UBE2U: variants seen among roughly 807,000 people sequenced by gnomAD.
UBE2U encodes ubiquitin-conjugating enzyme E2 U.
A neutral mutation model predicts 41.2 loss-of-function variants in UBE2U; 39 were observed. That is an observed-to-expected ratio of 0.95 (90% CI 0.73 to 1.24). The LOEUF (loss-of-function observed/expected upper bound fraction) is 1.24, where lower values mean the gene tolerates loss of function less well. Ranked by LOEUF, UBE2U falls within the 50% of genes most tolerant of loss-of-function variation. The pLI is 0.00. For synonymous variants in UBE2U, 107 were observed against 117.8 expected, an observed-to-expected ratio of 0.91 and a Z score of 0.60; for missense variants, 336 against 363.1, an observed-to-expected ratio of 0.93 and a Z score of 0.61.
chr1:64,218,167 G>T (rs1028446680), intron 5 of UBE2U, among the ~76,000 whole-genome samples: 5 of 152,128 alleles, frequency 3.3e-5, no homozygotes. Flanking sequence ...ACTTGTTCAA[G>T]AACATGAGCT....
intron 4 of UBE2U, 103 bp downstream of exon 4, chr1:64,210,942 G>T: frequency 1.4e-6 from 1 of 730,364 alleles, no homozygotes; most frequent in South Asian, 4.8e-5. Flanking sequence ...AGTGTTTAAA[G>T]AATTTGAGAA....
intron 7 of UBE2U, among the ~76,000 whole-genome samples, chr1:64,239,057 G>T (rs1644727296): frequency 1.6e-5 from 1 of 62,784 alleles, no homozygotes; most frequent in East Asian, 2.8e-4. Flanking sequence ...AGAAGAAGAA[G>T]AAGAAGAAGA....
intron 3 of UBE2U, among the ~76,000 whole-genome samples, chr1:64,209,789 T>A (rs371502032): frequency 1.3e-5 from 2 of 149,978 alleles, no homozygotes; most frequent in Admixed American, 6.8e-5. Context: ...ACATATAAAG[T>A]TCTTATTTTA....
chr1:64,214,853 T>C lies in UBE2U; in HGVS notation c.378T>C (p.Asn126=). ...LSNPVLENPV[N]LEAARILVKD... is the part of the protein sequence containing the mutation. ...ATCCAGTGCTAGAGAATCCAGTGAA[T>C]TTGGAAGCAGCCAGAATACTGGTTA... The change falls in exon 5 of 10, where the codon AAT becomes AAC. Residue 126 remains asparagine, a synonymous_variant. Coordinates refer to ENST00000371077, the MANE Select transcript of UBE2U (RefSeq NM_001366232.2). 6.2e-7 allele frequency: 1 copy of C among 1,614,188 alleles called. No homozygotes were observed. Among genetic ancestry groups the C allele is most frequent in the Non-Finnish European group, 8.5e-7 (1 of 1,180,002 alleles).
chr1:64,260,765 C>A, intron 9 of UBE2U, 71 bp downstream of exon 9: 2 of 1,230,268 alleles, frequency 1.6e-6, no homozygotes, highest in Non-Finnish European at 2.3e-6. Context: ...TAACTTTAAA[C>A]TTTTTTCCAT....
chr1:64,231,710 A>G (rs1200539122), intron 6 of UBE2U, among the ~76,000 whole-genome samples: 1 of 152,220 alleles, frequency 6.6e-6, no homozygotes, highest in African/African-American at 2.4e-5. Flanking sequence ...ACCTTTAAAA[A>G]CTAATGCTAA....
intron 8 of UBE2U, among the ~76,000 whole-genome samples, chr1:64,246,610 G>A (rs1429527109): frequency 1.3e-5 from 2 of 152,070 alleles, no homozygotes; most frequent in Non-Finnish European, 2.9e-5. Context: ...TAAACAAAGG[G>A]AGGAAAATCC....
intron 6 of UBE2U, among the ~76,000 whole-genome samples, chr1:64,225,612 G>A (rs1652813106): frequency 6.6e-6 from 1 of 152,238 alleles, no homozygotes; most frequent in East Asian, 1.9e-4. Context: ...GGTTATTTTG[G>A]TTGATCAGGG....
intron 8 of UBE2U, among the ~76,000 whole-genome samples, chr1:64,257,326 G>A (rs1461424421): frequency 6.6e-6 from 1 of 152,182 alleles, no homozygotes; most frequent in African/African-American, 2.4e-5. Context: ...GTTCATTGCA[G>A]CACTATTCAC....
intron 4 of UBE2U, among the ~76,000 whole-genome samples, chr1:64,211,283 G>A (rs1213428235): frequency 6.6e-6 from 1 of 152,174 alleles, no homozygotes; most frequent in East Asian, 1.9e-4. Context: ...GTGCTAGTTA[G>A]CTACTTTCTG....
rs544424089 is a variant in UBE2U, at chr1:64,220,550, T to G, written c.458-309T>G. Among the ~76,000 whole-genome samples the G allele has an allele frequency of 4.5e-4, 68 of 152,188 alleles. 1 individual carries two copies. Among genetic ancestry groups the G allele is most frequent in the Non-Finnish European group, 1.0e-4 (7 of 68,028 alleles). On this transcript the variant is annotated intron_variant, in intron 5 of 9. Transcript: ENST00000371077. ...CCTCTTACCCCTCCTTCCAGAGGTATCTGGCACATTCAATTCCTGAACTGT... is the reference window on the plus strand; with the variant it reads ...CCTCTTACCCCTCCTTCCAGAGGTAGCTGGCACATTCAATTCCTGAACTGT...
At chr1:64,255,083 G>A (rs749215779) in intron 8 of UBE2U, among the ~76,000 whole-genome samples, 1 of 152,012 alleles carries the variant, frequency 6.6e-6, no homozygotes, top group Admixed American at 6.6e-5. Context: ...AATGATAAGG[G>A]AGATATCACC....
intron 8 of UBE2U, among the ~76,000 whole-genome samples, chr1:64,257,558 T>C (rs1645113874): frequency 6.6e-6 from 1 of 152,024 alleles, no homozygotes; most frequent in Non-Finnish European, 1.5e-5. Context: ...GGGAGCTGAA[T>C]GATGAGAGCT....
intron 8 of UBE2U, among the ~76,000 whole-genome samples, chr1:64,255,428 G>T (rs984180088): frequency 6.6e-6 from 1 of 152,106 alleles, no homozygotes. Context: ...TATGAAGTCA[G>T]CATCATCCTG....
intron 1 of UBE2U, 78 bp from the exon 2 acceptor site, chr1:64,205,561 G>T: frequency 1.7e-6 from 2 of 1,152,468 alleles, no homozygotes; most frequent in South Asian, 2.9e-5. Flanking sequence ...AATTCAGTGT[G>T]ACCTGGTATA....
At chr1:64,239,114 G>GGAAGA (rs1557729919) in intron 7 of UBE2U, among the ~76,000 whole-genome samples, 7 of 17,466 alleles carry the variant, frequency 4.0e-4, no homozygotes, top group African/African-American at 2.9e-3. Context: ...AGAAGAAGAA[G>GGAAGA]AAGAAGAAGA....
rs1491414275 is a variant in UBE2U at position 64,239,080 on chromosome 1, G to GAA, written c.596-2572_596-2571insAA. Among the ~76,000 whole-genome samples the GAA allele has an allele frequency of 9.1e-4, 50 of 54,812 alleles. 2 individuals carry two copies. The highest frequency in any genetic ancestry group is 8.3e-3 in the Middle Eastern group (1 of 120). 36.0% of individuals were successfully genotyped at this position (54,812 alleles called of 152,430 possible). On this transcript the variant is annotated intron_variant, in intron 7 of 9. Transcript: ENST00000371077. ...AAGAAGAAGAAGAGGAAGAGGAAGA[G>GAA]GAAGAGGAAGAGGAAGAAGAAGAAG...
At chr1:64,235,046 A>T (rs890860548) in intron 7 of UBE2U, among the ~76,000 whole-genome samples, 2 of 152,228 alleles carry the variant, frequency 1.3e-5, no homozygotes, top group Non-Finnish European at 2.9e-5. Flanking sequence ...AAAAAATAGA[A>T]GCATGTGCCA....
At chr1:64,261,682 C>G (rs1370167092) in intron 9 of UBE2U, among the ~76,000 whole-genome samples, 1 of 152,144 alleles carries the variant, frequency 6.6e-6, no homozygotes, top group South Asian at 2.1e-4. Flanking sequence ...TTTCAGGGTA[C>G]CTGTGAGGTA....
Sources: allele counts gnomAD v4.1 joint callset (sites outside exome capture counted in the v4.1 genomes callset), GRCh38; gene constraint gnomAD v4.1.1; transcripts MANE v1.5; gene names NCBI Gene and HGNC (gene_info 2026-07-23, HGNC 2026-07-21).